Variants in AKAP13 observed in about 807,000 individuals in gnomAD.
AKAP13 encodes the protein A-kinase anchoring protein 13, also known as A-kinase anchor protein 13.
AKAP13 carries 80 observed loss-of-function variants against 264.5 expected under a neutral mutation model. That is an observed-to-expected ratio of 0.30 (90% CI 0.25 to 0.36). The LOEUF (loss-of-function observed/expected upper bound fraction) is 0.36. Ranked by LOEUF, AKAP13 falls within the 10% of genes least tolerant of loss-of-function variation. The probability of loss-of-function intolerance (pLI) is 1.00; values close to 1 mark genes in which losing one functional copy is unlikely to be tolerated. For synonymous variants in AKAP13, 1,380 were observed against 1,250.2 expected (o/e 1.10, Z -2.19); for missense variants, 3,712 against 3,435.2 (o/e 1.08, Z -2.01).
chr15:85,631,829 AGTT>A (rs2081843213), intron 8 of AKAP13, among the ~76,000 whole-genome samples: 1 of 152,192 alleles, frequency 6.6e-6, no homozygotes, highest in Admixed American at 6.5e-5. Flanking sequence ...ATCAGCCTGA[AGTT>A]GTTACAAAAT....
chr15:85,581,183 A>G lies in AKAP13; in HGVS notation c.3115A>G (p.Ser1039Gly). 1 of 1,614,120 alleles carries G rather than the reference A, an allele frequency of 6.2e-7. No individual in the cohort carries two copies. The highest frequency in any genetic ancestry group is 1.1e-5 in the South Asian group (1 of 91,088). ...GGAAGCCTTGGGGGCAGAGCACAAC[A>G]GCTCCGCTCTGTTGCCATGTCTGTT... ...RQEALGAEHN[S>G]SALLPCLLPD... Residue 1039 changes from serine to glycine, a missense_variant, in exon 7 of 37, where the codon AGC becomes GGC. Transcript: ENST00000394518.
rs188401961 is a variant in AKAP13 at position 85,728,879 on chromosome 15, T to C, written c.7087+1416T>C. On this transcript the variant is annotated intron_variant, in intron 29 of 36. Transcript: ENST00000394518. ...ATTTTTTTTTTTAACATGTTGAAGA[T>C]AGTTAGGAGAGTTGCTTGAGGGAAT... is the stretch of plus-strand genomic sequence containing the variant. 1.8e-4 allele frequency among the ~76,000 whole-genome samples: 28 copies of C among 151,656 alleles called. No individual in the cohort carries two copies. The East Asian group carries it at 4.5e-3, about 24-fold the overall frequency.
At chr15:85,460,355 T>A (rs571560014) in intron 1 of AKAP13, among the ~76,000 whole-genome samples, 3 of 152,232 alleles carry the variant, frequency 2.0e-5, no homozygotes, top group Non-Finnish European at 2.9e-5. Context: ...CAGCTCGCCC[T>A]GCATTTTACC....
chr15:85,651,285 AG>A (rs2082830490), intron 10 of AKAP13, among the ~76,000 whole-genome samples: 2 of 152,216 alleles, frequency 1.3e-5, no homozygotes, highest in Non-Finnish European at 2.9e-5. Context: ...CCCACTACTT[AG>A]ATCCTACAAT....
chr15:85,462,044 C>A (rs1268496406), intron 1 of AKAP13, among the ~76,000 whole-genome samples: 1 of 152,006 alleles, frequency 6.6e-6, no homozygotes, highest in African/African-American at 2.4e-5. Context: ...GGATAAAGTA[C>A]AAAAAAACAA....
At chr15:85,688,493 A>G (rs1484600629) in intron 16 of AKAP13, among the ~76,000 whole-genome samples, 1 of 152,218 alleles carries the variant, frequency 6.6e-6, no homozygotes, top group Non-Finnish European at 1.5e-5. Context: ...CTCTTAGAGA[A>G]GTGTCTAAGG....
chr15:85,404,737 T>C (rs759464011), intron 1 of AKAP13, among the ~76,000 whole-genome samples: 1 of 152,240 alleles, frequency 6.6e-6, no homozygotes, highest in Non-Finnish European at 1.5e-5. Flanking sequence ...CACCTTTGTA[T>C]CTTTAGTACC....
At chr15:85,645,413 C>T (rs1048230477) in intron 9 of AKAP13, among the ~76,000 whole-genome samples, 1 of 152,096 alleles carries the variant, frequency 6.6e-6, no homozygotes, top group Non-Finnish European at 1.5e-5. Context: ...AAACAAACCC[C>T]ATCACATAGT....
intron 7 of AKAP13, among the ~76,000 whole-genome samples, chr15:85,583,927 C>G (rs1380233063): frequency 6.6e-6 from 1 of 152,008 alleles, no homozygotes; most frequent in African/African-American, 2.4e-5. Context: ...GTCCTGTTAC[C>G]AAAAGGAGTC....
chr15:85,588,827 C>T (rs2079466088), intron 8 of AKAP13, among the ~76,000 whole-genome samples: 1 of 152,170 alleles, frequency 6.6e-6, no homozygotes, highest in African/African-American at 2.4e-5. Context: ...GGGACTTACA[C>T]AACAGGGCGA....
Position 85,425,498 on chromosome 15 carries a change from T to G in AKAP13, c.-12+44700T>G, listed in dbSNP as rs147122747. 7.5e-3 allele frequency among the ~76,000 whole-genome samples: 1,139 copies of G among 152,180 alleles called. 22 individuals carry two copies. Among genetic ancestry groups the G allele is most frequent in the African/African-American group, 0.026 (1,084 of 41,520 alleles). ...TGGGAGGCCAAGGTGGGCAGATCACTTGAGGTCAGGAGTTCAAGACTAGCC... is the reference window on the plus strand; with the variant it reads ...TGGGAGGCCAAGGTGGGCAGATCACGTGAGGTCAGGAGTTCAAGACTAGCC... On this transcript the variant is annotated intron_variant, in intron 1 of 36. Coordinates refer to ENST00000394518, the MANE Select transcript of AKAP13 (RefSeq NM_007200.5).
At chr15:85,406,363 C>T (rs1320617418) in intron 1 of AKAP13, among the ~76,000 whole-genome samples, 1 of 150,022 alleles carries the variant, frequency 6.7e-6, no homozygotes, top group Non-Finnish European at 1.5e-5. Context: ...TGCTCTCTCT[C>T]AACTAATTTT....
At chr15:85,540,943 A>G (rs1490426267) in intron 4 of AKAP13, among the ~76,000 whole-genome samples, 2 of 152,262 alleles carry the variant, frequency 1.3e-5, no homozygotes, top group Non-Finnish European at 2.9e-5. Flanking sequence ...ACAAGAGTGT[A>G]TATTCTATAA....
intron 12 of AKAP13, among the ~76,000 whole-genome samples, chr15:85,659,879 A>G (rs915266046): frequency 6.6e-6 from 1 of 152,222 alleles, no homozygotes; most frequent in African/African-American, 2.4e-5. Context: ...TTGTTTTTTA[A>G]TCTAGAACTT....
At chr15:85,500,671 T>C (rs1596345594) in intron 2 of AKAP13, among the ~76,000 whole-genome samples, 1 of 152,056 alleles carries the variant, frequency 6.6e-6, no homozygotes, top group Non-Finnish European at 1.5e-5. Flanking sequence ...CAGACACATT[T>C]CCCCCCCAGA....
chr15:85,612,654 T>C (rs932927979), intron 8 of AKAP13, among the ~76,000 whole-genome samples: 1 of 151,974 alleles, frequency 6.6e-6, no homozygotes, highest in Admixed American at 6.6e-5. Flanking sequence ...AAACACCGTC[T>C]CTACTAAAAA....
intron 9 of AKAP13, among the ~76,000 whole-genome samples, chr15:85,643,850 C>A (rs1452353094): frequency 6.6e-6 from 1 of 152,154 alleles, no homozygotes; most frequent in Non-Finnish European, 1.5e-5. Flanking sequence ...TGTCGTGACC[C>A]CATTACTACG....
At chr15:85,699,304 C>T (rs565764111) in intron 17 of AKAP13, among the ~76,000 whole-genome samples, 3 of 151,934 alleles carry the variant, frequency 2.0e-5, no homozygotes, top group African/African-American at 7.2e-5. Context: ...ATTAGCTGGG[C>T]GTGGTGGTGC....
At position 85,629,764 on chromosome 15, in the gene AKAP13, C is replaced by CTTTTTTTTTTTTTTTTTTTTTTT. The variant is rs773396099; in HGVS notation, c.4162-9599_4162-9577dup. On this transcript the variant is annotated intron_variant, in intron 8 of 36. Transcript: ENST00000394518. ...GAAATATAATGAGTTCCTTTACAGC[C>CTTTTTTTTTTTTTTTTTTTTTTT]TTTTTTTTTTTTTTTTTTTTTTTTT... Among the ~76,000 whole-genome samples the CTTTTTTTTTTTTTTTTTTTTTTT allele has an allele frequency of 1.8e-4, 9 of 50,504 alleles. 2 individuals carry two copies. Among genetic ancestry groups the CTTTTTTTTTTTTTTTTTTTTTTT allele is most frequent in the Non-Finnish European group, 3.0e-4 (8 of 26,950 alleles). The allele number at this position is 50,504 out of a possible 152,430, so 33.1% of individuals were successfully genotyped here.
Sources: allele counts gnomAD v4.1 joint callset (sites outside exome capture counted in the v4.1 genomes callset), GRCh38; gene constraint gnomAD v4.1.1; transcripts MANE v1.5; gene names NCBI Gene and HGNC (gene_info 2026-07-23, HGNC 2026-07-21).